The following KIAA0319 variants were observed in gnomAD, a reference collection of about 807,000 sequenced individuals.
KIAA0319 encodes the protein dyslexia-associated protein KIAA0319.
A neutral mutation model predicts 108.4 loss-of-function variants in KIAA0319; 83 were observed. The ratio of observed to expected loss-of-function variants is 0.77; its 90% CI spans 0.64 to 0.92. The LOEUF is 0.92. Ranked by LOEUF, KIAA0319 falls within the 40% of genes least tolerant of loss-of-function variation. KIAA0319 has a pLI of 0.00. For synonymous variants in KIAA0319, 484 were observed against 510.4 expected (o/e 0.95, Z 0.70); for missense variants, 1,195 against 1,322.4 (o/e 0.90, Z 1.49).
At chr6:24,629,807 G>T (rs1775279458) in intron 1 of KIAA0319, among the ~76,000 whole-genome samples, 1 of 152,146 alleles carries the variant, frequency 6.6e-6, no homozygotes, top group African/African-American at 2.4e-5. Context: ...CAGGAGAAAT[G>T]TGCTTTTATT....
intron 1 of KIAA0319, among the ~76,000 whole-genome samples, chr6:24,621,543 A>G (rs2127571048): frequency 6.6e-6 from 1 of 152,326 alleles, no homozygotes; most frequent in Non-Finnish European, 1.5e-5. Flanking sequence ...TCAAAATAAA[A>G]AAGAAAACTT....
intron 12 of KIAA0319, among the ~76,000 whole-genome samples, chr6:24,569,556 G>A (rs1401050816): frequency 6.6e-6 from 1 of 152,176 alleles, no homozygotes; most frequent in African/African-American, 2.4e-5. Context: ...TAGATGATAT[G>A]GGTCGCCCCT....
chr6:24,631,060 T>C (rs1043107620), intron 1 of KIAA0319, among the ~76,000 whole-genome samples: 1 of 152,240 alleles, frequency 6.6e-6, no homozygotes, highest in Non-Finnish European at 1.5e-5. Context: ...TTGTCCCATT[T>C]ATGGTTTACT....
chr6:24,619,561 G>A (rs1773635220), intron 1 of KIAA0319, among the ~76,000 whole-genome samples: 1 of 152,162 alleles, frequency 6.6e-6, no homozygotes, highest in Admixed American at 6.6e-5. Context: ...GAGAGGGCTG[G>A]AGACATACAC....
chr6:24,594,785 C>T (rs749981141), intron 3 of KIAA0319, among the ~76,000 whole-genome samples: 1 of 152,082 alleles, frequency 6.6e-6, no homozygotes. Context: ...GAAAACTTTT[C>T]CTTTAAAAAA....
chr6:24,611,332 G>A (rs1179793817), intron 1 of KIAA0319, among the ~76,000 whole-genome samples: 1 of 151,884 alleles, frequency 6.6e-6, no homozygotes, highest in Non-Finnish European at 1.5e-5. Context: ...AACCCTGTCT[G>A]TACTAAAAAT....
intron 5 of KIAA0319, chr6:24,582,986 A>G (rs576454495): frequency 2.2e-5 from 16 of 743,696 alleles, no homozygotes; most frequent in Middle Eastern, 7.0e-4. Context: ...TTTGACCAAT[A>G]TGTGGTGGAG....
intron 16 of KIAA0319, among the ~76,000 whole-genome samples, chr6:24,561,417 G>C (rs1377424141): frequency 6.6e-6 from 1 of 152,102 alleles, no homozygotes; most frequent in Non-Finnish European, 1.5e-5. Context: ...ATTTGTTATA[G>C]GTCTATTTAG....
At chr6:24,595,280 C>T (rs757528396) in intron 3 of KIAA0319, among the ~76,000 whole-genome samples, 50 of 152,230 alleles carry the variant, frequency 3.3e-4, no homozygotes, top group Non-Finnish European at 6.5e-4. Flanking sequence ...GGCGCGGTGG[C>T]TCACGCCTGT....
intron 1 of KIAA0319, among the ~76,000 whole-genome samples, chr6:24,608,766 T>C (rs1771819915): frequency 6.6e-6 from 1 of 151,136 alleles, no homozygotes; most frequent in African/African-American, 2.4e-5. Context: ...CCGTCTCTAC[T>C]AAAAATACAA....
chr6:24,630,681 G>GTA (rs781623420), intron 1 of KIAA0319, among the ~76,000 whole-genome samples: 7,235 of 51,866 alleles, frequency 0.14, 973 homozygotes, highest in East Asian at 0.56. Flanking sequence ...GTGTGTATAT[G>GTA]TGTATATATA....
chr6:24,629,528 A>AAAAAAAAAAG (rs1156657922), intron 1 of KIAA0319, among the ~76,000 whole-genome samples: 25 of 148,704 alleles, frequency 1.7e-4, no homozygotes, highest in Non-Finnish European at 3.6e-4. Flanking sequence ...AAAAAAAAAA[A>AAAAAAAAAAG]AAAGAAAGAA....
chr6:24,545,296 G>C lies in KIAA0319; in HGVS notation c.*1869C>G, dbSNP rs985062237. 6.6e-6 allele frequency: 1 copy of C among 152,162 alleles called. No individual in the cohort carries two copies. Among genetic ancestry groups the C allele is most frequent in the Non-Finnish European group, 1.5e-5 (1 of 68,034 alleles). 9.4% of individuals were successfully genotyped at this position (152,162 alleles called of 1,614,324 possible). On this transcript the variant is annotated 3_prime_UTR_variant, in exon 21 of 21. Transcript: ENST00000378214. ...CTTCAGAGGGCTATCTGCAACATAAGAATGATAGTATCTCCTCTTCAAGGT... is the reference window on the plus strand; with the variant it reads ...CTTCAGAGGGCTATCTGCAACATAACAATGATAGTATCTCCTCTTCAAGGT...
rs1364546804 is a variant in KIAA0319 at position 24,545,482 on chromosome 6, G to C, written c.*1683C>G. The C allele has an allele frequency of 1.3e-5, 2 of 151,818 alleles. No individual in the cohort carries two copies. Among genetic ancestry groups the C allele is most frequent in the Non-Finnish European group, 2.9e-5 (2 of 67,962 alleles). 9.4% of individuals were successfully genotyped at this position (151,818 alleles called of 1,614,324 possible). A position where few individuals can be genotyped will look rare whatever the true frequency, so the allele number is the denominator to read the frequency against. ...TTGCATGCAAACAACCATAACCCTG[G>C]TCACCTGATAAGGCAGATTCTAGGC... is the stretch of plus-strand genomic sequence containing the variant. On this transcript the variant is annotated 3_prime_UTR_variant, in exon 21 of 21. Coordinates refer to ENST00000378214, the MANE Select transcript of KIAA0319 (RefSeq NM_014809.4).
intron 1 of KIAA0319, among the ~76,000 whole-genome samples, chr6:24,644,574 T>G (rs1407041133): frequency 2.0e-5 from 3 of 151,452 alleles, no homozygotes; most frequent in African/African-American, 7.3e-5. Flanking sequence ...CTTACTGTAT[T>G]TATTTAAAGA....
At chr6:24,605,823 CT>C (rs1771319618) in intron 1 of KIAA0319, among the ~76,000 whole-genome samples, 1 of 151,986 alleles carries the variant, frequency 6.6e-6, no homozygotes, top group Non-Finnish European at 1.5e-5. Flanking sequence ...CACATCTTAC[CT>C]TTGTATTAAT....
chr6:24,577,373 A>G (rs1016903769), intron 9 of KIAA0319, among the ~76,000 whole-genome samples: 1 of 152,194 alleles, frequency 6.6e-6, no homozygotes, highest in Non-Finnish European at 1.5e-5. Context: ...TTTTCAGGAT[A>G]CTCCTTGCAA....
At chr6:24,580,093 C>A (rs1766250417) in intron 7 of KIAA0319, 143 bp from the exon 8 acceptor site, 1 of 603,090 alleles carries the variant, frequency 1.7e-6, no homozygotes, top group East Asian at 3.0e-5. Flanking sequence ...CTATGGAGAG[C>A]ACTTTTTAAA....
At chr6:24,642,541 T>TA (rs1777105559) in intron 1 of KIAA0319, among the ~76,000 whole-genome samples, 2 of 152,202 alleles carry the variant, frequency 1.3e-5, no homozygotes, top group Non-Finnish European at 2.9e-5. Context: ...CTGTAATGCT[T>TA]AAAATGTATG....
Sources: gnomAD v4.1 joint callset for allele counts (sites outside exome capture counted in the v4.1 genomes callset) on GRCh38, gnomAD v4.1.1 for gene constraint, MANE v1.5 for transcripts, NCBI Gene and HGNC (gene_info 2026-07-23, HGNC 2026-07-21) for gene names.